The following KRR1 variants were observed in gnomAD, a reference collection of about 807,000 sequenced individuals.
The protein encoded by KRR1 is KRR1 small subunit processome component homolog.
KRR1 carries 23 observed loss-of-function variants against 50.0 expected under a neutral mutation model. The ratio of observed to expected loss-of-function variants is 0.46; its 90% CI spans 0.33 to 0.65. The LOEUF is 0.65. Ranked by LOEUF, KRR1 falls within the 30% of genes least tolerant of loss-of-function variation. The pLI is 0.02. For synonymous variants in KRR1, 133 were observed against 146.3 expected (o/e 0.91, Z 0.66); for missense variants, 419 against 442.4 (o/e 0.95, Z 0.47).
rs1257030763 is a variant in KRR1 at position 75,498,957 on chromosome 12, T to C, written c.*852A>G. The C allele has an allele frequency of 6.3e-7, 1 of 1,599,738 alleles. No individual in the cohort carries two copies. The highest frequency in any genetic ancestry group is 8.5e-7 in the Non-Finnish European group (1 of 1,174,240). ...CCATTTTGGTACAGCACAAGTACCC[T>C]AATTTAGTTCTTTTGGACTAATACA... On this transcript the variant is annotated 3_prime_UTR_variant, in exon 10 of 10. Coordinates refer to ENST00000229214, the MANE Select transcript of KRR1 (RefSeq NM_007043.7).
At chr12:75,508,231 G>A (rs1594070375) in intron 2 of KRR1, 43 bp downstream of exon 2, 7 of 1,379,494 alleles carry the variant, frequency 5.1e-6, no homozygotes, top group Middle Eastern at 1.9e-4. Flanking sequence ...GCATAAGCAA[G>A]AGCAAAGTCT....
At position 75,499,011 on chromosome 12, in the gene KRR1, A is replaced by C; in HGVS notation, c.*798T>G. On this transcript the variant is annotated 3_prime_UTR_variant, in exon 10 of 10. Coordinates refer to ENST00000229214, the MANE Select transcript of KRR1 (RefSeq NM_007043.7). ...CAGGAAAGAAAAAACCCAAAAACCA[A>C]CCTCATTCACATATGGCTTTTTTTT... is the stretch of plus-strand genomic sequence containing the variant. 1 of 1,460,240 alleles carries C rather than the reference A, an allele frequency of 6.8e-7. No homozygotes were observed. Among genetic ancestry groups the C allele is most frequent in the Non-Finnish European group, 9.2e-7 (1 of 1,090,904 alleles). The allele number at this position is 1,460,240 out of a possible 1,614,324, so 90.5% of individuals were successfully genotyped here. A position where few individuals can be genotyped will look rare whatever the true frequency, so the allele number is the denominator to read the frequency against.
intron 1 of KRR1, among the ~76,000 whole-genome samples, chr12:75,510,414 G>C (rs2046441772): frequency 1.3e-5 from 2 of 151,770 alleles, no homozygotes; most frequent in African/African-American, 2.4e-5. Flanking sequence ...AAATAAATTG[G>C]GGTATATTCA....
intron 1 of KRR1, among the ~76,000 whole-genome samples, chr12:75,509,908 C>G (rs974872014): frequency 4.0e-5 from 6 of 151,846 alleles, no homozygotes; most frequent in African/African-American, 1.2e-4. Context: ...GTTTACCTGA[C>G]GAAGTCCCTA....
Position 75,498,890 on chromosome 12 carries a change from TC to T in KRR1, c.*918del, listed in dbSNP as rs765907319. 8.7e-6 allele frequency: 14 copies of T among 1,609,728 alleles called. No individual in the cohort carries two copies. The highest frequency in any genetic ancestry group is 1.2e-5 in the Non-Finnish European group (14 of 1,176,278). On this transcript the variant is annotated 3_prime_UTR_variant, in exon 10 of 10. Transcript: ENST00000229214. ...CGTAACAGATACACTTCTCTCTTTC[TC>T]ATTGTTAATTCAGTAATTCTAATAC...
In KRR1 at chr12:75,491,884, T is replaced by C. The variant is rs1428370919; in HGVS notation, c.*7925A>G. 2 of 152,256 alleles carry C rather than the reference T, an allele frequency of 1.3e-5. No individual in the cohort carries two copies. Among genetic ancestry groups the C allele is most frequent in the Admixed American group, 1.3e-4 (2 of 15,288 alleles). The allele number at this position is 152,256 out of a possible 1,614,324, so 9.4% of individuals were successfully genotyped here. On this transcript the variant is annotated 3_prime_UTR_variant, in exon 10 of 10. Coordinates refer to ENST00000229214, the MANE Select transcript of KRR1 (RefSeq NM_007043.7). Reference sequence around the variant, plus strand: ...CTTTGAATTTTTGGATTCCTGGAGATTGGCTGAAAGAAAGCCATTTCCCTG... The same window carrying C: ...CTTTGAATTTTTGGATTCCTGGAGACTGGCTGAAAGAAAGCCATTTCCCTG...
intron 6 of KRR1, 134 bp from the exon 7 acceptor site, chr12:75,504,208 T>A: frequency 3.8e-6 from 2 of 521,876 alleles, no homozygotes; most frequent in Non-Finnish European, 6.4e-6. Context: ...TTAAACCAAT[T>A]ACATAAGCAA....
intron 9 of KRR1, chr12:75,501,349 A>C: frequency 5.7e-6 from 1 of 176,836 alleles, no homozygotes; most frequent in South Asian, 1.4e-4. Context: ...AAGATCACAT[A>C]AAGAGAAGAA....
chr12:75,498,574 C>T lies in KRR1; in HGVS notation c.*1235G>A, dbSNP rs878934895. Reference sequence around the variant, plus strand: ...TTTTGAATAATTAAACTTGGAAAGTCACTGCAATAAAGCCAAAGCAAGTTA... The same window carrying T: ...TTTTGAATAATTAAACTTGGAAAGTTACTGCAATAAAGCCAAAGCAAGTTA... On this transcript the variant is annotated 3_prime_UTR_variant, in exon 10 of 10. Transcript: ENST00000229214. 16 of 716,258 alleles carry T rather than the reference C, an allele frequency of 2.2e-5. No individual in the cohort carries two copies. The South Asian group carries it at 2.8e-4, about 12-fold the overall frequency. 44.4% of individuals were successfully genotyped at this position (716,258 alleles called of 1,614,324 possible). A position where few individuals can be genotyped will look rare whatever the true frequency, so the allele number is the denominator to read the frequency against.
chr12:75,499,151 T>C lies in KRR1; in HGVS notation c.*658A>G. 2.2e-6 allele frequency: 1 copy of C among 458,584 alleles called. No homozygotes were observed. Among genetic ancestry groups the C allele is most frequent in the Middle Eastern group, 5.8e-4 (1 of 1,720 alleles). 28.4% of individuals were successfully genotyped at this position (458,584 alleles called of 1,614,324 possible). On this transcript the variant is annotated 3_prime_UTR_variant, in exon 10 of 10. Coordinates refer to ENST00000229214, the MANE Select transcript of KRR1 (RefSeq NM_007043.7). Reference sequence around the variant, plus strand: ...TTCCTAACTCTATCAGATAAACTCATCTTTAGTATAAATAAGCATTATTTG... The same window carrying C: ...TTCCTAACTCTATCAGATAAACTCACCTTTAGTATAAATAAGCATTATTTG...
chr12:75,500,003 AAACAAAGAATATATGTTT>A (rs769087617), intron 9 of KRR1, 52 bp from the exon 10 acceptor site: 42 of 1,399,700 alleles, frequency 3.0e-5, no homozygotes, highest in South Asian at 1.3e-4. Context: ...TTACCAAGTA[AAACAAAGAATATATGTTT>A]AACAAAGAAT....
chr12:75,503,947 T>C lies in KRR1; in HGVS notation c.788A>G (p.Lys263Arg). ...KRKEPKKKTV[K>R]KEYTPFPPPQ... ...TGGTGGGAATGGCGTATATTCTTTCTTAACAGTTTTTTTCTTTGGTTCCTT... is the reference window on the plus strand; with the variant it reads ...TGGTGGGAATGGCGTATATTCTTTCCTAACAGTTTTTTTCTTTGGTTCCTT... Residue 263 changes from lysine to arginine, a missense_variant, in exon 7 of 10, where the codon AAG becomes AGG. Coordinates refer to ENST00000229214, the MANE Select transcript of KRR1 (RefSeq NM_007043.7). 6.2e-7 allele frequency: 1 copy of C among 1,612,304 alleles called. No individual in the cohort carries two copies. Among genetic ancestry groups the C allele is most frequent in the Non-Finnish European group, 8.5e-7 (1 of 1,178,794 alleles).
intron 5 of KRR1, among the ~76,000 whole-genome samples, chr12:75,505,638 G>A (rs2120621050): frequency 6.6e-6 from 1 of 152,006 alleles, no homozygotes; most frequent in South Asian, 2.1e-4. Context: ...TGTAAGAATT[G>A]TATTCAATAT....
At chr12:75,501,699 CTT>C (rs770186773) in intron 9 of KRR1, 22 bp downstream of exon 9, 2 of 1,477,530 alleles carry the variant, frequency 1.4e-6, no homozygotes, top group Admixed American at 1.8e-5. Context: ...TTAATAAAGA[CTT>C]TTACATCATA....
At chr12:75,508,603 T>G (rs1362139085) in intron 1 of KRR1, among the ~76,000 whole-genome samples, 157 bp from the exon 2 acceptor site, 1 of 152,244 alleles carries the variant, frequency 6.6e-6, no homozygotes, top group Non-Finnish European at 1.5e-5. Flanking sequence ...GCTTTTTATA[T>G]TATTCAAGAG....
At chr12:75,504,662 T>C (rs1604382) in intron 6 of KRR1, among the ~76,000 whole-genome samples, 88,552 of 151,808 alleles carry the variant, frequency 0.58, 26,251 homozygotes, top group South Asian at 0.67. Flanking sequence ...TTTAAGTGGA[T>C]TGCTCAACAA....
At chr12:75,502,523 T>C (rs890794995) in intron 7 of KRR1, 1 of 153,288 alleles carries the variant, frequency 6.5e-6, no homozygotes, top group African/African-American at 2.4e-5. Flanking sequence ...ACAGCCAACA[T>C]GTAAAATGTG....
rs757799136 is a variant in KRR1, at chr12:75,508,309, ACT to A, written c.221_222del (p.Glu74ValfsTer11). The A allele has an allele frequency of 1.2e-6, 2 of 1,612,894 alleles. No individual in the cohort carries two copies. The highest frequency in any genetic ancestry group is 1.7e-5 in the Admixed American group (1 of 59,756). On this transcript the variant is annotated frameshift_variant, in exon 2 of 10. Coordinates refer to ENST00000229214, the MANE Select transcript of KRR1 (RefSeq NM_007043.7). LOFTEE classifies it high-confidence loss of function. ...FPKYREAYLK[E>X]CWPLVQKALN... ...AAGGCTTTCTGCACCAATGGCCAAC[ACT>A]CTTTCAAGTAAGCTTCCCTGTATTT...
At position 75,491,529 on chromosome 12, in the gene KRR1, C is replaced by T. The variant is rs1407894557; in HGVS notation, c.*8280G>A. The T allele has an allele frequency of 2.0e-5, 3 of 152,140 alleles. No individual in the cohort carries two copies. The highest frequency in any genetic ancestry group is 2.9e-5 in the Non-Finnish European group (2 of 68,032). 9.4% of individuals were successfully genotyped at this position (152,140 alleles called of 1,614,324 possible). ...CCTATAATTCCTTGAGATACTAGCA[C>T]GTAAAGACTGTGACCATTTTTGTTT... On this transcript the variant is annotated 3_prime_UTR_variant, in exon 10 of 10. Coordinates refer to ENST00000229214, the MANE Select transcript of KRR1 (RefSeq NM_007043.7).
Sources: allele counts gnomAD v4.1 joint callset (sites outside exome capture counted in the v4.1 genomes callset), GRCh38; gene constraint gnomAD v4.1.1; transcripts MANE v1.5; gene names NCBI Gene and HGNC (gene_info 2026-07-23, HGNC 2026-07-21).